PDS5A: variants seen among roughly 807,000 people sequenced by gnomAD.
PDS5A encodes sister chromatid cohesion protein PDS5 homolog A.
PDS5A carries 42 observed loss-of-function variants against 167.1 expected under a neutral mutation model. The observed-to-expected ratio is 0.25, with a 90% CI of 0.20 to 0.33. The LOEUF (loss-of-function observed/expected upper bound fraction) is 0.33, where lower values mean the gene tolerates loss of function less well. PDS5A is among the 10% of genes least tolerant of loss of function. The pLI, the probability that PDS5A is intolerant of heterozygous loss-of-function variation, is 1.00. For missense variants in PDS5A, 1,033 were observed against 1,605.9 expected (o/e 0.64, Z 6.10); for synonymous variants, 553 against 554.6 (o/e 1.00, Z 0.04).
At chr4:39,831,857 C>T (rs1046363404) in intron 32 of PDS5A, among the ~76,000 whole-genome samples, 2 of 87,168 alleles carry the variant, frequency 2.3e-5, no homozygotes, top group African/African-American at 9.2e-5. Context: ...GCCTAGGCAA[C>T]AAGAGCGAAA....
At chr4:39,910,113 T>G (rs1270710404) in intron 10 of PDS5A, 131 bp downstream of exon 10, 9 of 517,122 alleles carry the variant, frequency 1.7e-5, no homozygotes, top group Non-Finnish European at 3.1e-5. Flanking sequence ...CATTTCTTAG[T>G]GCACAACAAA....
At chr4:39,881,653 T>C (rs571739549) in intron 17 of PDS5A, among the ~76,000 whole-genome samples, 1 of 152,300 alleles carries the variant, frequency 6.6e-6, no homozygotes, top group Admixed American at 6.5e-5. Flanking sequence ...ATCCCATCAC[T>C]ATCCTAAGTC....
intron 2 of PDS5A, among the ~76,000 whole-genome samples, chr4:39,928,757 G>A (rs892847764): frequency 1.3e-5 from 2 of 151,418 alleles, no homozygotes; most frequent in African/African-American, 4.9e-5. Context: ...CCCAGGAGGC[G>A]GAGGCTGCAG....
At chr4:39,859,293 A>C (rs1436493768) in intron 26 of PDS5A, among the ~76,000 whole-genome samples, 1 of 151,888 alleles carries the variant, frequency 6.6e-6, no homozygotes, top group African/African-American at 2.4e-5. Context: ...ACAAACAAAC[A>C]AAAAAAACCA....
chr4:39,830,942 T>C (rs1442576119), intron 32 of PDS5A, among the ~76,000 whole-genome samples: 1 of 152,254 alleles, frequency 6.6e-6, no homozygotes, highest in Non-Finnish European at 1.5e-5. Flanking sequence ...CTAGTGCTTT[T>C]ACTTACAGTT....
chr4:39,899,085 T>G (rs2109645880), intron 14 of PDS5A, among the ~76,000 whole-genome samples: 1 of 152,188 alleles, frequency 6.6e-6, no homozygotes, highest in Admixed American at 6.5e-5. Flanking sequence ...AGTATATAAC[T>G]TTCACAGGAA....
At chr4:39,843,496 G>A (rs1028577932) in intron 30 of PDS5A, among the ~76,000 whole-genome samples, 5 of 152,146 alleles carry the variant, frequency 3.3e-5, no homozygotes, top group African/African-American at 1.2e-4. Context: ...CACTTTGGGA[G>A]TCCAAGGTGG....
chr4:39,826,005 A>G (rs894675305), intron 32 of PDS5A, among the ~76,000 whole-genome samples: 4 of 152,118 alleles, frequency 2.6e-5, no homozygotes, highest in African/African-American at 9.7e-5. Context: ...ACCAATAAAG[A>G]AGTTTTTGTT....
chr4:39,852,611 A>G (rs558996421), intron 26 of PDS5A, among the ~76,000 whole-genome samples: 2 of 152,288 alleles, frequency 1.3e-5, no homozygotes, highest in East Asian at 3.9e-4. Flanking sequence ...ATTCTATTAG[A>G]TGATGCATAC....
intron 28 of PDS5A, chr4:39,848,629 T>C: frequency 2.2e-6 from 1 of 456,756 alleles, no homozygotes; most frequent in South Asian, 2.8e-5. Flanking sequence ...ACTTTAATAC[T>C]AGAAATTCCT....
At chr4:39,869,581 C>T in intron 21 of PDS5A, 119 bp from the exon 22 acceptor site, 4 of 687,918 alleles carry the variant, frequency 5.8e-6, no homozygotes, top group Non-Finnish European at 1.0e-5. Context: ...ACATCACCAA[C>T]CAGAGCTTGG....
chr4:39,953,758 A>G (rs1316615644), intron 2 of PDS5A, among the ~76,000 whole-genome samples: 1 of 152,112 alleles, frequency 6.6e-6, no homozygotes, highest in South Asian at 2.1e-4. Context: ...AAATTCCAAC[A>G]CATTTGTAAA....
chr4:39,973,958 A>G (rs1022495643), intron 2 of PDS5A: 1 of 517,524 alleles, frequency 1.9e-6, no homozygotes, highest in Admixed American at 3.2e-5. Flanking sequence ...ACCCGTCTCT[A>G]CTAAAAAAAT....
At chr4:39,966,904 C>CAGA (rs1730019003) in intron 2 of PDS5A, among the ~76,000 whole-genome samples, 1 of 151,264 alleles carries the variant, frequency 6.6e-6, no homozygotes, top group Non-Finnish European at 1.5e-5. Context: ...GAGGCTGAGG[C>CAGA]AGAATTGCTT....
At chr4:39,847,954 G>C (rs1207318431) in intron 28 of PDS5A, 1 of 152,200 alleles carries the variant, frequency 6.6e-6, no homozygotes, top group Admixed American at 6.5e-5. Flanking sequence ...GCCTCCTGTC[G>C]GATCAGCGGC....
intron 32 of PDS5A, among the ~76,000 whole-genome samples, chr4:39,828,573 T>C (rs1715526680): frequency 6.6e-6 from 1 of 152,194 alleles, no homozygotes; most frequent in African/African-American, 2.4e-5. Flanking sequence ...GAGCTGAAGA[T>C]GAAATGAAGT....
intron 32 of PDS5A, 137 bp downstream of exon 32, chr4:39,837,719 T>C (rs1015596053): frequency 1.6e-6 from 1 of 626,750 alleles, no homozygotes; most frequent in Non-Finnish European, 2.7e-6. Flanking sequence ...CAGATGCTAT[T>C]ATAAACGGAC....
chr4:39,901,262 C>CTT (rs1722857439), intron 13 of PDS5A, among the ~76,000 whole-genome samples: 1 of 122,670 alleles, frequency 8.2e-6, no homozygotes, highest in African/African-American at 3.0e-5. Context: ...TTTTTCTTTT[C>CTT]TTTCTTTTTT....
chr4:39,857,024 G>A (rs1270790328), intron 26 of PDS5A, among the ~76,000 whole-genome samples: 1 of 152,054 alleles, frequency 6.6e-6, no homozygotes, highest in African/African-American at 2.4e-5. Context: ...GTTGTTAGAA[G>A]TTTGAGATGT....
Sources: gnomAD v4.1 joint callset for allele counts (sites outside exome capture counted in the v4.1 genomes callset) on GRCh38, gnomAD v4.1.1 for gene constraint, MANE v1.5 for transcripts, NCBI Gene and HGNC (gene_info 2026-07-23, HGNC 2026-07-21) for gene names.